The following CHN1 variants were observed in gnomAD, a reference collection of about 807,000 sequenced individuals.
CHN1 encodes chimerin 1, also known as N-chimaerin.
A neutral mutation model predicts 59.5 loss-of-function variants in CHN1; 37 were observed. That is an observed-to-expected ratio of 0.62 (90% CI 0.48 to 0.82). CHN1 has a LOEUF of 0.82. CHN1 is among the 40% of genes least tolerant of loss of function. The pLI is 0.00. For synonymous variants in CHN1, 206 were observed against 200.4 expected (o/e 1.03, Z -0.24); for missense variants, 469 against 571.0 (o/e 0.82, Z 1.82).
At chr2:174,935,706 G>A (rs368606932) in intron 3 of CHN1, among the ~76,000 whole-genome samples, 35 of 152,174 alleles carry the variant, frequency 2.3e-4, no homozygotes, top group African/African-American at 7.7e-4. Flanking sequence ...CAGGAGGATC[G>A]CTTGAGCCCA....
At chr2:174,936,686 T>C (rs1165294603) in intron 3 of CHN1, among the ~76,000 whole-genome samples, 2 of 152,176 alleles carry the variant, frequency 1.3e-5, no homozygotes, top group Non-Finnish European at 2.9e-5. Flanking sequence ...CAGAGTTGTA[T>C]ACACAAAAAT....
chr2:174,803,531 C>A (rs569659263), intron 11 of CHN1, among the ~76,000 whole-genome samples: 3 of 152,164 alleles, frequency 2.0e-5, no homozygotes, highest in Non-Finnish European at 4.4e-5. Context: ...GAATAAAAGA[C>A]GAATACTCCA....
chr2:174,950,170 C>T (rs1317875732), intron 2 of CHN1, among the ~76,000 whole-genome samples: 6 of 151,906 alleles, frequency 3.9e-5, no homozygotes, highest in Admixed American at 3.9e-4. Context: ...ATCACTTGAG[C>T]CCAGGGGGTC....
intron 6 of CHN1, among the ~76,000 whole-genome samples, chr2:174,857,963 G>T (rs576452286): frequency 5.3e-5 from 8 of 152,096 alleles, no homozygotes; most frequent in Admixed American, 5.2e-4. Flanking sequence ...CAACTAAAAG[G>T]CAGACTCAGA....
At chr2:174,804,347 A>T (rs1574034073) in intron 11 of CHN1, among the ~76,000 whole-genome samples, 2 of 152,180 alleles carry the variant, frequency 1.3e-5, no homozygotes, top group East Asian at 3.9e-4. Context: ...CAGAAGGGCA[A>T]CAGGGCACTC....
rs568859282 is a variant in CHN1 at position 174,916,307 on chromosome 2, A to AT, written c.147-1137dup. Among the ~76,000 whole-genome samples the AT allele has an allele frequency of 5.1e-4, 78 of 152,054 alleles. No individual in the cohort carries two copies. In the South Asian group the frequency reaches 0.015, roughly 30 times the overall value. On this transcript the variant is annotated intron_variant, in intron 4 of 12. Transcript: ENST00000409900. ...CACTTTTTGGAGTGGGATTCACTTT[A>AT]TTTTTTTCTGTGATGCCCCTGTGCA...
rs182495841 is a variant in CHN1, at chr2:174,920,220, C to A, written c.115-1655G>T. ...TATATATACACCACATTTTTTTTATCCATTCATTCACTGATGAACACTTAG... is the reference window on the plus strand; with the variant it reads ...TATATATACACCACATTTTTTTTATACATTCATTCACTGATGAACACTTAG... On this transcript the variant is annotated intron_variant, in intron 3 of 12. Transcript: ENST00000409900. Among the ~76,000 whole-genome samples, 5 of 152,098 alleles carry A rather than the reference C, an allele frequency of 3.3e-5. No homozygotes were observed. The East Asian group carries it at 7.7e-4, about 24-fold the overall frequency.
At position 174,851,942 on chromosome 2, in the gene CHN1, T is replaced by C. The variant is rs1325790877; in HGVS notation, c.550-4985A>G. Among the ~76,000 whole-genome samples the C allele has an allele frequency of 2.6e-5, 4 of 152,188 alleles. No individual in the cohort carries two copies. The South Asian group carries it at 6.2e-4, about 24-fold the overall frequency. On this transcript the variant is annotated intron_variant, in intron 6 of 12. Transcript: ENST00000409900. ...AATCAATGTACAAAAATCAGTAGCA[T>C]TTCTATACACCAATAATGTCCATGC...
chr2:175,000,284 A>C (rs983811737), intron 1 of CHN1, among the ~76,000 whole-genome samples: 5 of 151,538 alleles, frequency 3.3e-5, no homozygotes, highest in Non-Finnish European at 5.9e-5. Context: ...TGGGACTACA[A>C]GCATGTGCCA....
At chr2:174,957,454 G>GGGGA (rs1690247170) in intron 1 of CHN1, among the ~76,000 whole-genome samples, 2 of 136,326 alleles carry the variant, frequency 1.5e-5, no homozygotes, top group Non-Finnish European at 1.6e-5. Context: ...GTTGGGGGGG[G>GGGGA]GGGCAGTTAA....
intron 8 of CHN1, among the ~76,000 whole-genome samples, chr2:174,814,853 T>C (rs1685192725): frequency 6.6e-6 from 1 of 150,506 alleles, no homozygotes; most frequent in African/African-American, 2.4e-5. Context: ...GATGCTTCCA[T>C]ATCTACACTG....
At chr2:174,839,650 C>A (rs1220714816) in intron 7 of CHN1, among the ~76,000 whole-genome samples, 1 of 150,792 alleles carries the variant, frequency 6.6e-6, no homozygotes, top group Non-Finnish European at 1.5e-5. Flanking sequence ...ATCGTCCAGG[C>A]CATATTGCAG....
intron 5 of CHN1, among the ~76,000 whole-genome samples, chr2:174,882,014 G>A (rs894003763): frequency 1.3e-5 from 2 of 152,128 alleles, no homozygotes; most frequent in African/African-American, 4.8e-5. Context: ...AAACTGTTGA[G>A]GCTAAATCAT....
At chr2:174,940,352 A>G (rs1689620958) in intron 3 of CHN1, among the ~76,000 whole-genome samples, 1 of 152,172 alleles carries the variant, frequency 6.6e-6, no homozygotes, top group Admixed American at 6.5e-5. Flanking sequence ...TCAATAATGT[A>G]TCATCTAGGA....
At chr2:174,974,898 T>TACAC (rs373940330) in intron 1 of CHN1, among the ~76,000 whole-genome samples, 8,385 of 144,142 alleles carry the variant, frequency 0.058, 317 homozygotes, top group African/African-American at 0.1. Flanking sequence ...AAATAATTAA[T>TACAC]ACACACACAC....
intron 6 of CHN1, among the ~76,000 whole-genome samples, chr2:174,859,435 G>A (rs1190924050): frequency 6.6e-6 from 1 of 152,142 alleles, no homozygotes; most frequent in Non-Finnish European, 1.5e-5. Context: ...GGCATATCAA[G>A]AAGTAATCTG....
At chr2:174,847,744 A>C in intron 6 of CHN1, 1 of 573,656 alleles carries the variant, frequency 1.7e-6, no homozygotes, top group Non-Finnish European at 2.9e-6. Context: ...CCCTCCTCTC[A>C]TGTAAGTAAG....
intron 8 of CHN1, among the ~76,000 whole-genome samples, chr2:174,818,663 C>G (rs1288868307): frequency 6.6e-6 from 1 of 151,958 alleles, no homozygotes; most frequent in Non-Finnish European, 1.5e-5. Context: ...AACCACATTT[C>G]TCCCTTCCAA....
chr2:174,938,968 T>G lies in CHN1; in HGVS notation c.114+5920A>C, dbSNP rs139347897. Among the ~76,000 whole-genome samples the G allele has an allele frequency of 1.8e-4, 27 of 152,298 alleles. 1 individual carries two copies. Among genetic ancestry groups the G allele is most frequent in the Non-Finnish European group, 1.5e-4 (10 of 68,012 alleles). On this transcript the variant is annotated intron_variant, in intron 3 of 12. Coordinates refer to ENST00000409900, the MANE Select transcript of CHN1 (RefSeq NM_001822.7). ...GAAAAGTTAATACAATAAATATTTT[T>G]TATATTGCAAAGTGGAAATGATGAA... is the stretch of plus-strand genomic sequence containing the variant.
Sources: gnomAD v4.1 joint callset for allele counts (sites outside exome capture counted in the v4.1 genomes callset) on GRCh38, gnomAD v4.1.1 for gene constraint, MANE v1.5 for transcripts, NCBI Gene and HGNC (gene_info 2026-07-23, HGNC 2026-07-21) for gene names.